The following LRRC4C variants were observed in gnomAD, a reference collection of about 807,000 sequenced individuals.
The protein encoded by LRRC4C is leucine-rich repeat-containing protein 4C.
A neutral mutation model predicts 33.6 loss-of-function variants in LRRC4C; 5 were observed. The ratio of observed to expected loss-of-function variants is 0.15; its 90% CI spans 0.08 to 0.31. LRRC4C has a LOEUF of 0.31. Ranked by LOEUF, LRRC4C falls within the 10% of genes least tolerant of loss-of-function variation. The probability of loss-of-function intolerance (pLI) is 1.00; values close to 1 mark genes in which losing one functional copy is unlikely to be tolerated. For missense variants in LRRC4C, 560 were observed against 796.7 expected (o/e 0.70, Z 3.58); for synonymous variants, 329 against 302.0 (o/e 1.09, Z -0.93).
At chr11:40,669,635 C>T (rs147335016) in intron 2 of LRRC4C, among the ~76,000 whole-genome samples, 161 of 152,310 alleles carry the variant, frequency 1.1e-3, no homozygotes, top group African/African-American at 3.8e-3. Flanking sequence ...CAAGACCCTC[C>T]GTTGTGTTTC....
At chr11:41,436,809 C>T (rs1046891811) in intron 1 of LRRC4C, among the ~76,000 whole-genome samples, 1 of 152,192 alleles carries the variant, frequency 6.6e-6, no homozygotes, top group African/African-American at 2.4e-5. Context: ...AAACTCTTCT[C>T]ATCTTTCAAG....
intron 3 of LRRC4C, among the ~76,000 whole-genome samples, chr11:40,369,713 A>C (rs1350577367): frequency 6.6e-6 from 1 of 152,232 alleles, no homozygotes; most frequent in African/African-American, 2.4e-5. Flanking sequence ...TGTGTACAAT[A>C]TGTTGTTTTG....
chr11:40,881,328 T>C (rs143135982), intron 2 of LRRC4C, among the ~76,000 whole-genome samples: 1 of 152,262 alleles, frequency 6.6e-6, no homozygotes, highest in Non-Finnish European at 1.5e-5. Context: ...GTATCCTACA[T>C]AAATAAAATC....
At chr11:41,353,978 C>T (rs1952073075) in intron 1 of LRRC4C, among the ~76,000 whole-genome samples, 1 of 152,036 alleles carries the variant, frequency 6.6e-6, no homozygotes, top group Non-Finnish European at 1.5e-5. Flanking sequence ...GACAAGGATG[C>T]CCACTGTCAG....
intron 3 of LRRC4C, among the ~76,000 whole-genome samples, chr11:40,593,758 T>G (rs530584194): frequency 6.6e-6 from 1 of 152,324 alleles, no homozygotes; most frequent in South Asian, 2.1e-4. Flanking sequence ...CTTCGAAAAT[T>G]TCCTCTCCTG....
intron 1 of LRRC4C, among the ~76,000 whole-genome samples, chr11:41,011,666 CCT>C (rs1460605369): frequency 6.6e-6 from 1 of 151,500 alleles, no homozygotes; most frequent in East Asian, 1.9e-4. Context: ...CAAATTGCCC[CCT>C]GAGACATAGT....
chr11:40,775,341 C>T (rs1376458176), intron 2 of LRRC4C, among the ~76,000 whole-genome samples: 5 of 151,818 alleles, frequency 3.3e-5, no homozygotes, highest in South Asian at 4.1e-4. Context: ...ACCCGGGAGG[C>T]GGAGCTTGCA....
chr11:41,127,416 G>A (rs1193822233), intron 1 of LRRC4C, among the ~76,000 whole-genome samples: 1 of 151,874 alleles, frequency 6.6e-6, no homozygotes, highest in African/African-American at 2.4e-5. Context: ...GAATATGGAA[G>A]TATTATGTTA....
chr11:40,390,349 T>C (rs1465299702), intron 3 of LRRC4C, among the ~76,000 whole-genome samples: 4 of 152,156 alleles, frequency 2.6e-5, no homozygotes, highest in East Asian at 3.8e-4. Context: ...CAAAATAGAC[T>C]TCTGATCTGT....
chr11:40,615,709 CA>C (rs992965092), intron 3 of LRRC4C, among the ~76,000 whole-genome samples: 2 of 151,666 alleles, frequency 1.3e-5, no homozygotes, highest in Non-Finnish European at 3.0e-5. Flanking sequence ...TCAAAAATTA[CA>C]TTAAAAAGTG....
intron 1 of LRRC4C, among the ~76,000 whole-genome samples, chr11:41,338,018 T>C (rs903178632): frequency 2.0e-5 from 3 of 152,186 alleles, no homozygotes; most frequent in South Asian, 4.1e-4. Context: ...TGGCGATTAT[T>C]AAAACATGAA....
intron 2 of LRRC4C, among the ~76,000 whole-genome samples, chr11:40,881,266 T>G (rs1955161463): frequency 1.3e-5 from 2 of 152,164 alleles, no homozygotes; most frequent in African/African-American, 4.8e-5. Context: ...TCTCCAATTT[T>G]ATAATCTTAC....
At chr11:41,311,840 A>G (rs1341141965) in intron 1 of LRRC4C, among the ~76,000 whole-genome samples, 3 of 152,170 alleles carry the variant, frequency 2.0e-5, no homozygotes, top group Non-Finnish European at 2.9e-5. Context: ...CATAGATCTC[A>G]CATATAAGCC....
intron 4 of LRRC4C, among the ~76,000 whole-genome samples, chr11:40,302,295 T>C (rs1944812467): frequency 6.6e-6 from 1 of 152,214 alleles, no homozygotes; most frequent in African/African-American, 2.4e-5. Flanking sequence ...GTTCGCATTT[T>C]CACTAGGATA....
intron 3 of LRRC4C, among the ~76,000 whole-genome samples, chr11:40,489,770 A>G (rs1954054600): frequency 6.6e-6 from 1 of 152,068 alleles, no homozygotes; most frequent in Admixed American, 6.6e-5. Flanking sequence ...TTACTATTCT[A>G]TTACATTTGA....
At chr11:40,789,047 C>G (rs563145185) in intron 2 of LRRC4C, among the ~76,000 whole-genome samples, 1 of 142,072 alleles carries the variant, frequency 7.0e-6, no homozygotes, top group African/African-American at 2.6e-5. Context: ...GAGCCGAGAT[C>G]GCGCCACTGC....
chr11:40,983,751 A>T (rs1852711814), intron 1 of LRRC4C, among the ~76,000 whole-genome samples: 1 of 152,226 alleles, frequency 6.6e-6, no homozygotes, highest in South Asian at 2.1e-4. Flanking sequence ...AAAGCCCAAC[A>T]TCCCTGATCA....
intron 3 of LRRC4C, among the ~76,000 whole-genome samples, chr11:40,468,340 C>G (rs1952756098): frequency 6.6e-6 from 1 of 152,138 alleles, no homozygotes; most frequent in South Asian, 2.1e-4. Context: ...CAAAGGCAGT[C>G]TGGAGACAGA....
In LRRC4C at chr11:40,886,922, T is replaced by TCA. The variant is rs1955487094; in HGVS notation, c.-407+46712_-407+46713insTG. Among the ~76,000 whole-genome samples, 3 of 149,148 alleles carry TCA rather than the reference T, an allele frequency of 2.0e-5. No homozygotes were observed. In the South Asian group the frequency reaches 6.3e-4, roughly 32 times the overall value. Reference sequence around the variant, plus strand: ...GTGTGTATATACACACAGCAAATATTTATATATATACGTGTACGTATATAT... The same window carrying TCA: ...GTGTGTATATACACACAGCAAATATTCATATATATATACGTGTACGTATATAT... On this transcript the variant is annotated intron_variant, in intron 2 of 6. Coordinates refer to ENST00000528697, the MANE Select transcript of LRRC4C (RefSeq NM_001258419.2).
Sources: gnomAD v4.1 joint callset for allele counts (sites outside exome capture counted in the v4.1 genomes callset) on GRCh38, gnomAD v4.1.1 for gene constraint, MANE v1.5 for transcripts, NCBI Gene and HGNC (gene_info 2026-07-23, HGNC 2026-07-21) for gene names.